TOX: variants seen among roughly 807,000 people sequenced by gnomAD.
The protein encoded by TOX is thymocyte selection associated high mobility group box, also known as thymocyte selection-associated high mobility group box protein TOX.
TOX carries 11 observed loss-of-function variants against 53.7 expected under a neutral mutation model. That is an observed-to-expected ratio of 0.20 (90% CI 0.13 to 0.34). The LOEUF is 0.34. Ranked by LOEUF, TOX falls within the 10% of genes least tolerant of loss-of-function variation. The probability of loss-of-function intolerance (pLI) is 1.00; values close to 1 mark genes in which losing one functional copy is unlikely to be tolerated. For synonymous variants in TOX, 225 were observed against 245.3 expected, an observed-to-expected ratio of 0.92 and a Z score of 0.77; for missense variants, 570 against 664.6, an observed-to-expected ratio of 0.86 and a Z score of 1.56.
intron 6 of TOX, among the ~76,000 whole-genome samples, chr8:58,817,758 C>T (rs1810205516): frequency 6.6e-6 from 1 of 152,076 alleles, no homozygotes; most frequent in African/African-American, 2.4e-5. Context: ...CATATTGGTG[C>T]ATCTTTATTT....
intron 3 of TOX, among the ~76,000 whole-genome samples, chr8:58,929,185 T>C (rs1181056610): frequency 1.3e-5 from 2 of 152,150 alleles, no homozygotes; most frequent in Non-Finnish European, 2.9e-5. Flanking sequence ...TTTGTGATTA[T>C]ATATTTATCA....
intron 3 of TOX, among the ~76,000 whole-genome samples, chr8:58,927,412 C>T (rs527627321): frequency 1.2e-4 from 19 of 152,176 alleles, no homozygotes; most frequent in Non-Finnish European, 2.2e-4. Context: ...CCCAGCCTCA[C>T]CAGAAATGTA....
At chr8:59,104,999 C>T (rs903940355) in intron 1 of TOX, among the ~76,000 whole-genome samples, 1 of 152,134 alleles carries the variant, frequency 6.6e-6, no homozygotes, top group Admixed American at 6.5e-5. Flanking sequence ...CCTCCCTGAC[C>T]CCCTTAACAC....
At chr8:58,813,372 G>GT (rs940704947) in intron 7 of TOX, among the ~76,000 whole-genome samples, 14 of 152,118 alleles carry the variant, frequency 9.2e-5, no homozygotes, top group Non-Finnish European at 1.8e-4. Flanking sequence ...TGAACTTTTG[G>GT]TTTTTTTCCT....
At chr8:58,893,229 A>G (rs1474677838) in intron 3 of TOX, among the ~76,000 whole-genome samples, 1 of 152,182 alleles carries the variant, frequency 6.6e-6, no homozygotes, top group Non-Finnish European at 1.5e-5. Flanking sequence ...CAAAACACAG[A>G]CAAACATACT....
intron 3 of TOX, among the ~76,000 whole-genome samples, chr8:58,899,745 G>A (rs1233697286): frequency 1.3e-5 from 2 of 152,086 alleles, no homozygotes; most frequent in Non-Finnish European, 2.9e-5. Context: ...GGAACATTTT[G>A]GATTCCGGAT....
intron 1 of TOX, among the ~76,000 whole-genome samples, chr8:58,964,749 T>C (rs1037150817): frequency 3.3e-5 from 5 of 152,202 alleles, no homozygotes; most frequent in African/African-American, 1.2e-4. Flanking sequence ...TTTTCCACTA[T>C]GACATACTGC....
Position 59,118,805 on chromosome 8 carries a change from C to G in TOX, c.102+81G>C, listed in dbSNP as rs905178256. ...CGGGACCGGCCTCCGCCAAGCCGGC[C>G]CCGCCGCGGCCCGGCCACCGCCGCT... On this transcript the variant is annotated intron_variant, in intron 1 of 8. Coordinates refer to ENST00000361421, the MANE Select transcript of TOX (RefSeq NM_014729.3). The surrounding 1 kb of genome is among the most constrained non-coding windows in gnomAD (Gnocchi z 4.1). 2 of 1,169,306 alleles carry G rather than the reference C, an allele frequency of 1.7e-6. No homozygotes were observed. Among genetic ancestry groups the G allele is most frequent in the Non-Finnish European group, 2.4e-6 (2 of 841,348 alleles). 72.4% of individuals were successfully genotyped at this position (1,169,306 alleles called of 1,614,324 possible). A position where few individuals can be genotyped will look rare whatever the true frequency, so the allele number is the denominator to read the frequency against.
chr8:59,061,917 T>G (rs1803993065), intron 1 of TOX, among the ~76,000 whole-genome samples: 1 of 152,170 alleles, frequency 6.6e-6, no homozygotes, highest in Non-Finnish European at 1.5e-5. Flanking sequence ...GGCGCTTCTC[T>G]TCTTCAGATT....
At chr8:58,924,974 TC>T (rs1812130535) in intron 3 of TOX, among the ~76,000 whole-genome samples, 1 of 152,194 alleles carries the variant, frequency 6.6e-6, no homozygotes, top group African/African-American at 2.4e-5. Flanking sequence ...GTTTGACTCC[TC>T]CTCTTCCTCA....
chr8:58,972,622 A>G (rs1813020826), intron 1 of TOX, among the ~76,000 whole-genome samples: 1 of 152,128 alleles, frequency 6.6e-6, no homozygotes, highest in Non-Finnish European at 1.5e-5. Flanking sequence ...CTGTATAACC[A>G]TTTTTGTTCT....
intron 3 of TOX, among the ~76,000 whole-genome samples, chr8:58,938,358 C>A (rs997832686): frequency 3.3e-5 from 5 of 152,050 alleles, no homozygotes; most frequent in Non-Finnish European, 7.4e-5. Context: ...CAGTACTGTT[C>A]GATGACTTAT....
At chr8:58,911,794 C>A (rs1191351039) in intron 3 of TOX, among the ~76,000 whole-genome samples, 3 of 152,128 alleles carry the variant, frequency 2.0e-5, no homozygotes, top group Non-Finnish European at 4.4e-5. Flanking sequence ...ACCTCTGCCT[C>A]CTGGGTTCCA....
chr8:58,895,748 C>G (rs6651298), intron 3 of TOX, among the ~76,000 whole-genome samples: 85,763 of 152,036 alleles, frequency 0.56, 25,101 homozygotes, highest in African/African-American at 0.72. Flanking sequence ...ACAGCAAATT[C>G]TTTTGTTTGG....
intron 1 of TOX, among the ~76,000 whole-genome samples, chr8:58,998,907 C>G (rs1254768644): frequency 2.0e-5 from 3 of 152,038 alleles, no homozygotes; most frequent in Admixed American, 2.0e-4. Context: ...CAAGAGAACA[C>G]ACTCCAAAAT....
At chr8:58,889,432 G>A (rs968767546) in intron 3 of TOX, among the ~76,000 whole-genome samples, 1 of 151,872 alleles carries the variant, frequency 6.6e-6, no homozygotes, top group African/African-American at 2.4e-5. Context: ...AGGGGAGGAT[G>A]GAATAAGAAT....
At chr8:59,044,638 T>A (rs913093717) in intron 1 of TOX, among the ~76,000 whole-genome samples, 3 of 152,238 alleles carry the variant, frequency 2.0e-5, no homozygotes, top group East Asian at 1.9e-4. Flanking sequence ...TACATGATTT[T>A]AAAAAAATCT....
chr8:58,999,953 A>G (rs890950134), intron 1 of TOX, among the ~76,000 whole-genome samples: 1 of 152,164 alleles, frequency 6.6e-6, no homozygotes, highest in Non-Finnish European at 1.5e-5. Context: ...AATAATATAA[A>G]ATTATTTTTC....
chr8:58,878,465 C>T (rs1811324138), intron 3 of TOX, among the ~76,000 whole-genome samples: 1 of 152,118 alleles, frequency 6.6e-6, no homozygotes, highest in South Asian at 2.1e-4. Context: ...TTTAAATCTG[C>T]TTTGAAATAA....
Sources: allele counts gnomAD v4.1 joint callset (sites outside exome capture counted in the v4.1 genomes callset), GRCh38; gene constraint gnomAD v4.1.1; non-coding constraint Gnocchi (gnomAD v3.1); transcripts MANE v1.5; gene names NCBI Gene and HGNC (gene_info 2026-07-23, HGNC 2026-07-21).